Variants in TNIK observed in about 807,000 individuals in gnomAD.
The protein encoded by TNIK is TRAF2 and NCK-interacting protein kinase.
Under a neutral mutation model 191.3 loss-of-function variants are expected in TNIK, and 49 were observed. The observed-to-expected ratio is 0.26, with a 90% CI of 0.20 to 0.32. TNIK has a LOEUF of 0.32. TNIK is among the 10% of genes least tolerant of loss of function. TNIK has a pLI of 1.00. For synonymous variants in TNIK, 594 were observed against 600.9 expected, an observed-to-expected ratio of 0.99 and a Z score of 0.17; for missense variants, 1,155 against 1,702.3, an observed-to-expected ratio of 0.68 and a Z score of 5.66.
Position 171,101,540 on chromosome 3 carries a change from CA to C in TNIK, c.2499del (p.Ser833ArgfsTer31). The stretch of plus-strand genomic sequence containing the variant: ...TCTTCCTCGCTACTTTCTGACTCCT[CA>C]CTGGAGGAGGAGTAATCAGTCACCT... ...MKKVTDYSSS[S>X]EESESSEEEE... On this transcript the variant is annotated frameshift_variant, in exon 22 of 33. Coordinates refer to ENST00000436636, the MANE Select transcript of TNIK (RefSeq NM_015028.4). LOFTEE classifies it high-confidence loss of function. 6.2e-7 allele frequency: 1 copy of C among 1,613,580 alleles called. No individual in the cohort carries two copies. The highest frequency in any genetic ancestry group is 2.2e-5 in the East Asian group (1 of 44,878).
At chr3:171,282,341 G>GTTTTTTT (rs869305605) in intron 2 of TNIK, among the ~76,000 whole-genome samples, 9 of 79,950 alleles carry the variant, frequency 1.1e-4, no homozygotes, top group Admixed American at 2.7e-4. Context: ...ATGGTTTTTT[G>GTTTTTTT]TTTTTTTTTT....
intron 21 of TNIK, among the ~76,000 whole-genome samples, chr3:171,105,093 GTTAAATCA>G (rs1264763978): frequency 2.0e-5 from 3 of 149,848 alleles, no homozygotes; most frequent in African/African-American, 7.6e-5. Flanking sequence ...TTTATAAAAA[GTTAAATCA>G]TTAGCAATAA....
At chr3:171,287,062 G>A (rs898720785) in intron 2 of TNIK, among the ~76,000 whole-genome samples, 5 of 152,144 alleles carry the variant, frequency 3.3e-5, no homozygotes, top group African/African-American at 1.2e-4. Flanking sequence ...TCACTTTGTG[G>A]TATTGTTTCC....
chr3:171,074,639 CA>C (rs1187734112), intron 28 of TNIK, among the ~76,000 whole-genome samples: 2 of 152,090 alleles, frequency 1.3e-5, no homozygotes, highest in African/African-American at 4.8e-5. Flanking sequence ...TATCTAAGCA[CA>C]TATAGGCTCA....
intron 2 of TNIK, among the ~76,000 whole-genome samples, chr3:171,343,303 TGAA>T (rs879360373): frequency 7.8e-4 from 119 of 152,262 alleles, no homozygotes; most frequent in Admixed American, 1.4e-3. Context: ...TATGATGTAA[TGAA>T]AATGAGACTA....
chr3:171,157,977 A>G (rs1459142884), intron 11 of TNIK, among the ~76,000 whole-genome samples: 2 of 152,042 alleles, frequency 1.3e-5, no homozygotes, highest in African/African-American at 4.8e-5. Flanking sequence ...CGTGGCAAAG[A>G]TTTGTTTTTA....
chr3:171,107,212 A>T lies in TNIK; in HGVS notation c.2383-6T>A, dbSNP rs1401504878. The T allele has an allele frequency of 6.2e-7, 1 of 1,611,780 alleles. No homozygotes were observed. Among genetic ancestry groups the T allele is most frequent in the Non-Finnish European group, 8.5e-7 (1 of 1,179,156 alleles). ...TCTATAGCTTTTTTGTAGCTCTGAA[A>T]TGAGAGGAACCCAATCCAGAAGAAT... On this transcript the variant is annotated splice_region_variant and splice_polypyrimidine_tract_variant and intron_variant, in intron 20 of 32. Transcript: ENST00000436636.
intron 1 of TNIK, among the ~76,000 whole-genome samples, chr3:171,436,060 T>C (rs974681879): frequency 6.6e-6 from 1 of 152,210 alleles, no homozygotes; most frequent in African/African-American, 2.4e-5. Flanking sequence ...ATTCTCATCA[T>C]AGCATTGGGA....
chr3:171,072,958 A>T (rs546469020), intron 28 of TNIK, among the ~76,000 whole-genome samples: 1 of 152,278 alleles, frequency 6.6e-6, no homozygotes, highest in East Asian at 1.9e-4. Context: ...GTGCTCATGG[A>T]TAGGAAGAAT....
intron 11 of TNIK, among the ~76,000 whole-genome samples, chr3:171,158,385 T>C (rs894651555): frequency 2.0e-5 from 3 of 152,224 alleles, no homozygotes; most frequent in African/African-American, 7.2e-5. Flanking sequence ...TGTACATGAA[T>C]GTGTGTGCAT....
At position 171,312,124 on chromosome 3, in the gene TNIK, AAAAAAAAAAAAAAAAAAG is replaced by A. The variant is rs1328627763; in HGVS notation, c.123+57478_123+57495del. Among the ~76,000 whole-genome samples the A allele has an allele frequency of 7.6e-5, 11 of 145,062 alleles. 1 individual carries two copies. The highest frequency in any genetic ancestry group is 4.1e-4 in the Admixed American group (6 of 14,642). On this transcript the variant is annotated intron_variant, in intron 2 of 32. Transcript: ENST00000436636. Reference sequence around the variant, plus strand: ...CGGCAGCTCCAGATTAAAAAAAAAAAAAAAAAAAAAAAAAAAAGGGCTAGACTGGCATATCTGATTTTA... The same window carrying A: ...CGGCAGCTCCAGATTAAAAAAAAAAAGGCTAGACTGGCATATCTGATTTTA...
At chr3:171,174,751 C>T (rs964761584) in intron 9 of TNIK, among the ~76,000 whole-genome samples, 3 of 152,158 alleles carry the variant, frequency 2.0e-5, no homozygotes, top group Non-Finnish European at 4.4e-5. Context: ...GCCAGTATCA[C>T]CTGCCATATG....
chr3:171,132,221 A>G (rs1397514709), intron 15 of TNIK, among the ~76,000 whole-genome samples: 1 of 152,238 alleles, frequency 6.6e-6, no homozygotes, highest in Non-Finnish European at 1.5e-5. Flanking sequence ...AAATGATTTC[A>G]CAGTAGAAGG....
chr3:171,274,489 A>G (rs983417320), intron 2 of TNIK, among the ~76,000 whole-genome samples: 1 of 152,162 alleles, frequency 6.6e-6, no homozygotes, highest in African/African-American at 2.4e-5. Context: ...CAAGCATCAC[A>G]CAAGCCAGGA....
At chr3:171,275,645 C>T (rs1329508861) in intron 2 of TNIK, among the ~76,000 whole-genome samples, 1 of 151,916 alleles carries the variant, frequency 6.6e-6, no homozygotes, top group African/African-American at 2.4e-5. Context: ...ATCTGTAGTC[C>T]CAGCACTTTG....
chr3:171,255,248 A>G (rs1746709478), intron 2 of TNIK, among the ~76,000 whole-genome samples: 1 of 152,210 alleles, frequency 6.6e-6, no homozygotes, highest in Admixed American at 6.5e-5. Context: ...ATTAATCATT[A>G]CTTTAGGTTA....
intron 9 of TNIK, among the ~76,000 whole-genome samples, chr3:171,172,611 A>C (rs756389847): frequency 2.7e-4 from 41 of 152,178 alleles, no homozygotes; most frequent in Non-Finnish European, 4.9e-4. Flanking sequence ...GTCAAGTATC[A>C]TGTGCCTGGA....
chr3:171,161,929 A>ATAT (rs1734049460), intron 10 of TNIK, among the ~76,000 whole-genome samples: 1 of 151,942 alleles, frequency 6.6e-6, no homozygotes, highest in African/African-American at 2.4e-5. Context: ...CAAAATAATA[A>ATAT]TATAATAATA....
intron 18 of TNIK, among the ~76,000 whole-genome samples, chr3:171,117,329 C>T (rs959634018): frequency 2.6e-5 from 4 of 152,154 alleles, no homozygotes; most frequent in Non-Finnish European, 5.9e-5. Context: ...CAGAATGGTG[C>T]TTAAGAATGT....
Sources: allele counts gnomAD v4.1 joint callset (sites outside exome capture counted in the v4.1 genomes callset), GRCh38; gene constraint gnomAD v4.1.1; transcripts MANE v1.5; gene names NCBI Gene and HGNC (gene_info 2026-07-23, HGNC 2026-07-21).